Variants in PLPPR1 observed in about 807,000 individuals in gnomAD.
PLPPR1 encodes the protein phospholipid phosphatase related 1, also known as phospholipid phosphatase-related protein type 1.
Under a neutral mutation model 33.1 loss-of-function variants are expected in PLPPR1, and 10 were observed. The ratio of observed to expected loss-of-function variants is 0.30; its 90% CI spans 0.19 to 0.51. The LOEUF (loss-of-function observed/expected upper bound fraction) is 0.51, where lower values mean the gene tolerates loss of function less well. PLPPR1 is among the 20% of genes least tolerant of loss of function. The pLI is 0.97. For synonymous variants in PLPPR1, 151 were observed against 151.0 expected (o/e 1.00, Z 0.00); for missense variants, 304 against 408.1 (o/e 0.74, Z 2.20).
chr9:101,046,967 T>A (rs780498286), intron 1 of PLPPR1, among the ~76,000 whole-genome samples: 4 of 152,070 alleles, frequency 2.6e-5, no homozygotes, highest in Non-Finnish European at 5.9e-5. Flanking sequence ...TCTCACTAGA[T>A]TGGGGGTCGG....
intron 1 of PLPPR1, among the ~76,000 whole-genome samples, chr9:101,180,472 C>T (rs1027577571): frequency 4.6e-5 from 7 of 151,538 alleles, no homozygotes; most frequent in Non-Finnish European, 1.0e-4. Flanking sequence ...ATGCATTACA[C>T]TACCTAACTT....
chr9:101,195,604 A>T (rs182780626), intron 2 of PLPPR1, among the ~76,000 whole-genome samples: 1 of 152,214 alleles, frequency 6.6e-6, no homozygotes, highest in Admixed American at 6.5e-5. Flanking sequence ...GAGACCATTA[A>T]CATTTCCTTA....
intron 2 of PLPPR1, chr9:101,187,887 T>C (rs905130340): frequency 4.6e-5 from 7 of 152,048 alleles, no homozygotes; most frequent in African/African-American, 1.7e-4. Context: ...CCTATTGTCC[T>C]GAAGCCAGAA....
At chr9:101,064,419 T>TG (rs752242799) in intron 1 of PLPPR1, among the ~76,000 whole-genome samples, 1 of 152,044 alleles carries the variant, frequency 6.6e-6, no homozygotes, top group South Asian at 2.1e-4. Context: ...AATGAATGAA[T>TG]GGGGTTATGG....
chr9:101,047,281 C>T (rs1830165027), intron 1 of PLPPR1, among the ~76,000 whole-genome samples: 1 of 152,150 alleles, frequency 6.6e-6, no homozygotes, highest in Non-Finnish European at 1.5e-5. Flanking sequence ...TTGCACTATT[C>T]CTCCTTGACA....
intron 2 of PLPPR1, among the ~76,000 whole-genome samples, chr9:101,238,445 C>T (rs1827379147): frequency 6.7e-6 from 1 of 149,016 alleles, no homozygotes; most frequent in African/African-American, 2.5e-5. Context: ...GAATACTACT[C>T]ATCTATAAAA....
At chr9:101,313,002 T>C (rs1273482761) in intron 6 of PLPPR1, 28 bp downstream of exon 6, 3 of 1,608,742 alleles carry the variant, frequency 1.9e-6, no homozygotes, top group Non-Finnish European at 1.7e-6. Context: ...TTTTTACCTT[T>C]TCCCCCTCTT....
chr9:101,229,431 A>T lies in PLPPR1; in HGVS notation c.64-40449A>T, dbSNP rs1472880343. ...CACTTTATTTTTTTCCATTTATAAAACCAATACATATAAAATGCAAAAAAG... is the reference window on the plus strand; with the variant it reads ...CACTTTATTTTTTTCCATTTATAAATCCAATACATATAAAATGCAAAAAAG... On this transcript the variant is annotated intron_variant, in intron 2 of 7. Coordinates refer to ENST00000374874, the MANE Select transcript of PLPPR1 (RefSeq NM_207299.2). 2.0e-5 allele frequency among the ~76,000 whole-genome samples: 3 copies of T among 152,174 alleles called. No individual in the cohort carries two copies. The East Asian group carries it at 5.8e-4, about 29-fold the overall frequency.
intron 6 of PLPPR1, among the ~76,000 whole-genome samples, chr9:101,314,249 C>T (rs1240737993): frequency 6.6e-6 from 1 of 152,214 alleles, no homozygotes; most frequent in Non-Finnish European, 1.5e-5. Flanking sequence ...TGGCATCACA[C>T]ATAGCTGGAT....
chr9:101,278,584 G>C (rs1211781593), intron 3 of PLPPR1, among the ~76,000 whole-genome samples: 1 of 152,192 alleles, frequency 6.6e-6, no homozygotes. Context: ...TTGGGGGAAA[G>C]AGAGGGGTGT....
At chr9:101,121,290 A>G (rs370739151) in intron 1 of PLPPR1, among the ~76,000 whole-genome samples, 95 of 152,334 alleles carry the variant, frequency 6.2e-4, no homozygotes, top group African/African-American at 2.1e-3. Context: ...AGCACTTTAC[A>G]TCCTTTAATG....
intron 1 of PLPPR1, among the ~76,000 whole-genome samples, chr9:101,064,823 A>G (rs111282825): frequency 6.9e-4 from 105 of 152,140 alleles, no homozygotes; most frequent in African/African-American, 2.5e-3. Flanking sequence ...GAGGTCGCTC[A>G]GGGAGTCTCA....
In PLPPR1 at chr9:101,280,096, A is replaced by G. The variant is rs548410639; in HGVS notation, c.253-6008A>G. On this transcript the variant is annotated intron_variant, in intron 3 of 7. Coordinates refer to ENST00000374874, the MANE Select transcript of PLPPR1 (RefSeq NM_207299.2). ...ACTCAAACAAATAAAATCAGAGATG[A>G]AAAAAGAGACATTGCAACTGATACC... Among the ~76,000 whole-genome samples the G allele has an allele frequency of 3.9e-5, 6 of 152,262 alleles. No individual in the cohort carries two copies. In the East Asian group the frequency reaches 9.6e-4, roughly 24 times the overall value.
chr9:101,285,304 T>C (rs1564026737), intron 3 of PLPPR1, among the ~76,000 whole-genome samples: 1 of 151,144 alleles, frequency 6.6e-6, no homozygotes, highest in African/African-American at 2.5e-5. Context: ...TAGTCCCTGC[T>C]ATTAGGGGGC....
chr9:101,255,216 G>A (rs1366493387), intron 2 of PLPPR1, among the ~76,000 whole-genome samples: 2 of 152,106 alleles, frequency 1.3e-5, no homozygotes, highest in African/African-American at 4.8e-5. Context: ...AAAGAGAAGG[G>A]AGTTTGATTT....
At chr9:101,271,685 G>A (rs1302825053) in intron 3 of PLPPR1, among the ~76,000 whole-genome samples, 1 of 152,122 alleles carries the variant, frequency 6.6e-6, no homozygotes, top group African/African-American at 2.4e-5. Flanking sequence ...CTACCTGGAG[G>A]CTGTGGGCTC....
At chr9:101,236,320 T>G (rs556748879) in intron 2 of PLPPR1, among the ~76,000 whole-genome samples, 1 of 151,882 alleles carries the variant, frequency 6.6e-6, no homozygotes, top group East Asian at 1.9e-4. Context: ...TATATTAACT[T>G]TTGCTGTAAC....
intron 2 of PLPPR1, among the ~76,000 whole-genome samples, chr9:101,188,181 T>C (rs1025288145): frequency 6.6e-6 from 1 of 152,092 alleles, no homozygotes; most frequent in African/African-American, 2.4e-5. Context: ...CTTAATATGC[T>C]TTTTCACTGT....
chr9:101,083,902 G>A (rs1383116344), intron 1 of PLPPR1, among the ~76,000 whole-genome samples: 1 of 152,180 alleles, frequency 6.6e-6, no homozygotes, highest in Non-Finnish European at 1.5e-5. Flanking sequence ...GGCTGATACT[G>A]CCTAATTAAT....
Sources: gnomAD v4.1 joint callset for allele counts (sites outside exome capture counted in the v4.1 genomes callset) on GRCh38, gnomAD v4.1.1 for gene constraint, MANE v1.5 for transcripts, NCBI Gene and HGNC (gene_info 2026-07-23, HGNC 2026-07-21) for gene names.